Variants in WDR59 observed in about 807,000 individuals in gnomAD.
The protein encoded by WDR59 is WD repeat domain 59, also known as GATOR2 complex protein WDR59.
Under a neutral mutation model 131.2 loss-of-function variants are expected in WDR59, and 100 were observed. That is an observed-to-expected ratio of 0.76 (90% CI 0.65 to 0.90). WDR59 has a LOEUF of 0.90. Among genes scored for constraint, WDR59 ranks in the 40% least tolerant of loss-of-function variants. The probability of loss-of-function intolerance (pLI) is 0.00; values close to 1 mark genes in which losing one functional copy is unlikely to be tolerated. For missense variants in WDR59, 1,203 were observed against 1,262.2 expected, an observed-to-expected ratio of 0.95 and a Z score of 0.71; for synonymous variants, 601 against 466.2, an observed-to-expected ratio of 1.29 and a Z score of -3.72.
intron 1 of WDR59, among the ~76,000 whole-genome samples, chr16:74,971,276 CTG>C (rs1445771469): frequency 6.6e-6 from 1 of 152,002 alleles, no homozygotes; most frequent in Non-Finnish European, 1.5e-5. Flanking sequence ...TCACTGCATG[CTG>C]TGTGAGACGT....
At position 74,916,250 on chromosome 16, in the gene WDR59, T is replaced by C. The variant is rs539179981; in HGVS notation, c.976A>G (p.Asn326Asp). 5 of 1,613,794 alleles carry C rather than the reference T, an allele frequency of 3.1e-6. No individual in the cohort carries two copies. In the Admixed American group the frequency reaches 5.0e-5, roughly 16 times the overall value. The change falls in exon 12 of 26, where the codon AAT (asparagine) becomes GAT (aspartate). Residue 326 changes from asparagine (N) to aspartate (D), a missense_variant. Physicochemically the swap from Asn to Asp is conservative, Grantham distance 23. Coordinates refer to ENST00000262144, the MANE Select transcript of WDR59 (RefSeq NM_030581.4). Reference protein sequence around the residue: ...VDSQMQRLCANDILDGVDEFI... With the variant: ...VDSQMQRLCADDILDGVDEFI... ...TCATCAACACCATCTAATATGTCAT[T>C]TGCACAAAGCTGCAACAAAGGGTAG...
At chr16:74,981,613 CATATATATATATATATAT>C (rs1162042042) in intron 1 of WDR59, among the ~76,000 whole-genome samples, 6 of 27,792 alleles carry the variant, frequency 2.2e-4, no homozygotes, top group East Asian at 1.7e-3. Flanking sequence ...TATACATTTA[CATATATATATATATATAT>C]ATATATATAT....
At chr16:74,976,919 A>G (rs905660977) in intron 1 of WDR59, among the ~76,000 whole-genome samples, 1 of 152,154 alleles carries the variant, frequency 6.6e-6, no homozygotes, top group African/African-American at 2.4e-5. Flanking sequence ...AGGCAGGAGG[A>G]TCATTTGAGC....
chr16:74,927,681 AAAACACACACACACAC>A (rs1252196189), intron 8 of WDR59, among the ~76,000 whole-genome samples: 9 of 17,554 alleles, frequency 5.1e-4, no homozygotes, highest in Non-Finnish European at 3.2e-3. Context: ...TGCTCTTTAA[AAAACACACACACACAC>A]ACACACACAC....
chr16:74,972,777 G>C (rs901523987), intron 1 of WDR59, among the ~76,000 whole-genome samples: 4 of 143,510 alleles, frequency 2.8e-5, no homozygotes, highest in African/African-American at 1.0e-4. Context: ...AGCCGAGATG[G>C]AGCCACTGCA....
chr16:74,911,809 G>C (rs1205921785), intron 14 of WDR59, among the ~76,000 whole-genome samples: 1 of 152,164 alleles, frequency 6.6e-6, no homozygotes, highest in Non-Finnish European at 1.5e-5. Flanking sequence ...AACCTGGGCT[G>C]CTAAATGAAA....
chr16:74,927,929 G>A lies in WDR59; in HGVS notation c.652-3926C>T, dbSNP rs376939511. Among the ~76,000 whole-genome samples the A allele has an allele frequency of 3.2e-3, 354 of 109,908 alleles. 3 individuals are homozygous for A. The highest frequency in any genetic ancestry group is 0.03 in the South Asian group (94 of 3,082). The allele number at this position is 109,908 out of a possible 152,430, so 72.1% of individuals were successfully genotyped here. A position where few individuals can be genotyped will look rare whatever the true frequency, so the allele number is the denominator to read the frequency against. ...CTTTCTTTTTTTTTTTTTTTTTTGA[G>A]ACGGAGTCTTGCTCTGTTGCCAGGC... On this transcript the variant is annotated intron_variant, in intron 8 of 25. Transcript: ENST00000262144.
At chr16:74,981,640 ATATATATATATATATATATATT>A (rs1183167042) in intron 1 of WDR59, among the ~76,000 whole-genome samples, 3 of 3,810 alleles carry the variant, frequency 7.9e-4, no homozygotes, top group South Asian at 0.011. Context: ...ATATATATAT[ATATATATATATATATATATATT>A]TTTTTTTTTT....
intron 3 of WDR59, among the ~76,000 whole-genome samples, chr16:74,953,522 CAG>C (rs1224630729): frequency 6.9e-6 from 1 of 144,770 alleles, no homozygotes; most frequent in Non-Finnish European, 1.5e-5. Flanking sequence ...AAGAAAAAAA[CAG>C]ATAAACTTCA....
intron 9 of WDR59, among the ~76,000 whole-genome samples, chr16:74,922,884 C>G (rs982948062): frequency 1.3e-5 from 2 of 152,150 alleles, no homozygotes; most frequent in African/African-American, 4.8e-5. Flanking sequence ...CCCAAATTAC[C>G]TTTTTTGCTC....
At chr16:74,877,690 G>A (rs1243558998) in intron 25 of WDR59, among the ~76,000 whole-genome samples, 3 of 152,060 alleles carry the variant, frequency 2.0e-5, no homozygotes, top group Non-Finnish European at 4.4e-5. Context: ...GACTACAGGC[G>A]CCTGCCAACA....
intron 24 of WDR59, 85 bp downstream of exon 24, chr16:74,886,185 A>G: frequency 6.9e-7 from 1 of 1,456,966 alleles, no homozygotes; most frequent in African/African-American, 1.4e-5. Context: ...TCCAAAAAAA[A>G]AAAAAGTAAG....
intron 6 of WDR59, among the ~76,000 whole-genome samples, chr16:74,945,685 G>C (rs1421740295): frequency 6.6e-6 from 1 of 151,928 alleles, no homozygotes; most frequent in Non-Finnish European, 1.5e-5. Context: ...ACAGGGGTTT[G>C]ATTCATCTAT....
At chr16:74,889,362 G>A (rs1291688688) in intron 21 of WDR59, among the ~76,000 whole-genome samples, 1 of 152,048 alleles carries the variant, frequency 6.6e-6, no homozygotes, top group African/African-American at 2.4e-5. Flanking sequence ...ATTCTCAAGG[G>A]TGAGACCCTA....
At chr16:74,912,459 G>T in intron 13 of WDR59, 97 bp from the exon 14 acceptor site, 1 of 1,269,032 alleles carries the variant, frequency 7.9e-7, no homozygotes, top group Non-Finnish European at 1.1e-6. Flanking sequence ...CCTGGTAATT[G>T]AATGAAGGGA....
chr16:74,905,574 C>T (rs12597933), intron 17 of WDR59, among the ~76,000 whole-genome samples: 53,531 of 150,816 alleles, frequency 0.35, 9,544 homozygotes, highest in Middle Eastern at 0.4. Flanking sequence ...CCCAGCTACT[C>T]GGGAGGCTGA....
chr16:74,973,528 G>A (rs1357381663), intron 1 of WDR59, among the ~76,000 whole-genome samples: 1 of 149,098 alleles, frequency 6.7e-6, no homozygotes. Flanking sequence ...CTCAAGTGAT[G>A]CACCGGCCCT....
At chr16:74,875,135 G>A (rs1164359783) in intron 25 of WDR59, among the ~76,000 whole-genome samples, 1 of 152,072 alleles carries the variant, frequency 6.6e-6, no homozygotes, top group African/African-American at 2.4e-5. Context: ...GGGCAGACTG[G>A]CTTTACCAAC....
intron 6 of WDR59, among the ~76,000 whole-genome samples, chr16:74,944,166 C>G (rs1388323152): frequency 6.6e-6 from 1 of 152,088 alleles, no homozygotes; most frequent in African/African-American, 2.4e-5. Context: ...CCTGCTTTAT[C>G]AAGATCATTA....
Sources: allele counts gnomAD v4.1 joint callset (sites outside exome capture counted in the v4.1 genomes callset), GRCh38; gene constraint gnomAD v4.1.1; transcripts MANE v1.5; gene names NCBI Gene and HGNC (gene_info 2026-07-23, HGNC 2026-07-21).